Variants in PSTPIP1 observed in about 807,000 individuals in gnomAD.
PSTPIP1 encodes the protein proline-serine-threonine phosphatase-interacting protein 1.
Under a neutral mutation model 69.6 loss-of-function variants are expected in PSTPIP1, and 66 were observed. The ratio of observed to expected loss-of-function variants is 0.95; its 90% CI spans 0.78 to 1.16. PSTPIP1 has a LOEUF of 1.16. Ranked by LOEUF, PSTPIP1 falls within the 50% of genes most tolerant of loss-of-function variation. The pLI is 0.00. For missense variants in PSTPIP1, 603 were observed against 557.4 expected, an observed-to-expected ratio of 1.08 and a Z score of -0.82; for synonymous variants, 266 against 222.7, an observed-to-expected ratio of 1.19 and a Z score of -1.73.
In PSTPIP1 at chr15:77,037,122, GGA is replaced by G; in HGVS notation, c.1201_1202del (p.Arg401GlufsTer62). 1.2e-6 allele frequency: 2 copies of G among 1,612,344 alleles called. No individual in the cohort carries two copies. Among genetic ancestry groups the G allele is most frequent in the Non-Finnish European group, 1.7e-6 (2 of 1,179,700 alleles). On this transcript the variant is annotated frameshift_variant, in exon 15 of 15. Coordinates refer to ENST00000558012, the MANE Select transcript of PSTPIP1 (RefSeq NM_003978.5). LOFTEE classifies it high-confidence loss of function. ...LEGEDGWWTV[E>X]RNGQRGFVPG... ...AAGGGGAGGATGGCTGGTGGACTGT[GGA>G]GAGGAACGGGCAGCGTGGCTTCGTC...
rs144204462 is a variant in PSTPIP1 at position 76,997,712 on chromosome 15, G to A, written c.36+2103G>A. ...TTTTGGCTTCGGGGTAAGATAAGAG[G>A]TAACCCCTCTTATCTCCCAGAGGGG... On this transcript the variant is annotated intron_variant, in intron 1 of 14. Transcript: ENST00000558012. Among the ~76,000 whole-genome samples the A allele has an allele frequency of 2.8e-4, 43 of 152,272 alleles. No homozygotes were observed. In the East Asian group the frequency reaches 7.9e-3, roughly 28 times the overall value.
At chr15:77,033,034 T>G (rs2152689744) in intron 12 of PSTPIP1, 82 bp downstream of exon 12, 1 of 1,341,576 alleles carries the variant, frequency 7.5e-7, no homozygotes, top group African/African-American at 1.5e-5. Context: ...TGGCCCTTCC[T>G]CGTTCACTGA....
At position 77,028,628 on chromosome 15, in the gene PSTPIP1, C is replaced by T. The variant is rs1366145117; in HGVS notation, c.492C>T (p.Asn164=). Residue 164 remains asparagine, a synonymous_variant, in exon 7 of 15, where the codon AAC becomes AAT. Transcript: ENST00000558012. ...AGGCCTTCGAGCGCATTAGCGCCAA[C>T]GGCCACCAGAAGCAGGTGGAGAAGG... The part of the protein sequence containing the change: ...AEQAFERISA[N]GHQKQVEKSQ... The T allele has an allele frequency of 5.1e-6, 8 of 1,583,456 alleles. No homozygotes were observed. The highest frequency in any genetic ancestry group is 2.3e-5 in the South Asian group (2 of 86,816).
In PSTPIP1 at chr15:77,037,131, C is replaced by T. The variant is rs146035424; in HGVS notation, c.1206C>T (p.Asn402=). 7.7e-4 allele frequency: 1,243 copies of T among 1,612,130 alleles called. 3 individuals are homozygous for T. The African/African-American group carries it at 0.011, about 15-fold the overall frequency. The change falls in exon 15 of 15, where the codon AAC becomes AAT. Residue 402 remains asparagine, a synonymous_variant. Coordinates refer to ENST00000558012, the MANE Select transcript of PSTPIP1 (RefSeq NM_003978.5). ...ATGGCTGGTGGACTGTGGAGAGGAACGGGCAGCGTGGCTTCGTCCCTGGTT... is the reference window on the plus strand; with the variant it reads ...ATGGCTGGTGGACTGTGGAGAGGAATGGGCAGCGTGGCTTCGTCCCTGGTT... ...GEDGWWTVER[N]GQRGFVPGSY...
At chr15:77,003,511 C>T (rs1163843262) in intron 1 of PSTPIP1, among the ~76,000 whole-genome samples, 5 of 152,222 alleles carry the variant, frequency 3.3e-5, no homozygotes, top group East Asian at 1.9e-4. Context: ...AAAAAATTAG[C>T]GGGGCATGGT....
Position 77,035,509 on chromosome 15 carries a change from TTC to T in PSTPIP1, c.935_936del (p.Ser312TrpfsTer30). On this transcript the variant is annotated frameshift_variant and splice_region_variant, in exon 13 of 15. Coordinates refer to ENST00000558012, the MANE Select transcript of PSTPIP1 (RefSeq NM_003978.5). LOFTEE classifies it high-confidence loss of function. ...IQPSCGMIKR[F>X]SGLLHGSPKT... ...ACCCTCTTTCCTCCCTGTTCCCAGG[TTC>T]TCTGGACTGCTGCACGGAAGTCCCA... is the stretch of plus-strand genomic sequence containing the variant. 6.3e-7 allele frequency: 1 copy of T among 1,590,150 alleles called. No individual in the cohort carries two copies. The highest frequency in any genetic ancestry group is 8.6e-7 in the Non-Finnish European group (1 of 1,168,754).
intron 1 of PSTPIP1, among the ~76,000 whole-genome samples, chr15:77,005,028 C>T (rs1568485875): frequency 1.3e-5 from 2 of 152,134 alleles, no homozygotes; most frequent in Admixed American, 1.3e-4. Flanking sequence ...TTCAAAGTTC[C>T]CCAGTGCCTC....
At chr15:77,029,990 G>T (rs1484382177) in intron 8 of PSTPIP1, among the ~76,000 whole-genome samples, 1 of 152,042 alleles carries the variant, frequency 6.6e-6, no homozygotes, top group African/African-American at 2.4e-5. Flanking sequence ...TCTTGTCCCT[G>T]CTGGTGCCCC....
Position 77,037,182 on chromosome 15 carries a change from G to A in PSTPIP1, c.*6G>A. The A allele has an allele frequency of 1.3e-6, 2 of 1,597,494 alleles. No homozygotes were observed. Among genetic ancestry groups the A allele is most frequent in the East Asian group, 2.3e-5 (1 of 44,114 alleles). ...CCTACCTGGAGAAGCTTTGAGGAAG[G>A]GCCAGGAGCCCCTTCGGACCTGCCC... is the stretch of plus-strand genomic sequence containing the variant. On this transcript the variant is annotated 3_prime_UTR_variant, in exon 15 of 15. Coordinates refer to ENST00000558012, the MANE Select transcript of PSTPIP1 (RefSeq NM_003978.5).
At chr15:77,032,426 T>G in intron 11 of PSTPIP1, 32 bp downstream of exon 11, 1 of 1,604,802 alleles carries the variant, frequency 6.2e-7, no homozygotes, top group Non-Finnish European at 8.5e-7. Context: ...GCGCAGCCTC[T>G]AGGTGCATTG....
chr15:77,036,932 C>G, intron 14 of PSTPIP1, 113 bp from the exon 15 acceptor site: 1 of 1,438,988 alleles, frequency 6.9e-7, no homozygotes. Context: ...TGCCCCTGCC[C>G]ACCCTGGGAG....
chr15:76,995,586 C>A lies in PSTPIP1; in HGVS notation c.13C>A (p.Leu5Met). MMPQ[L>M]QFKDAFWCRD... ...CAGACGCCTGAGGATGATGCCCCAG[C>A]TGCAGTTCAAAGATGCCTTTTGGGT... is the stretch of plus-strand genomic sequence containing the variant. The change falls in exon 1 of 15, where the codon CTG becomes ATG. Residue 5 changes from leucine (L) to methionine (M), a missense_variant. Physicochemically the swap from Leu to Met is conservative, Grantham distance 15. Coordinates refer to ENST00000558012, the MANE Select transcript of PSTPIP1 (RefSeq NM_003978.5). 6.2e-7 allele frequency: 1 copy of A among 1,613,830 alleles called. No individual in the cohort carries two copies. Among genetic ancestry groups the A allele is most frequent in the Non-Finnish European group, 8.5e-7 (1 of 1,179,894 alleles).
At chr15:77,023,101 C>A (rs1374873749) in intron 3 of PSTPIP1, among the ~76,000 whole-genome samples, 1 of 152,260 alleles carries the variant, frequency 6.6e-6, no homozygotes, top group Non-Finnish European at 1.5e-5. Flanking sequence ...ACCTGCGATT[C>A]CTTACAGCAC....
At chr15:77,009,709 C>A (rs2075894148) in intron 1 of PSTPIP1, among the ~76,000 whole-genome samples, 1 of 152,178 alleles carries the variant, frequency 6.6e-6, no homozygotes, top group Non-Finnish European at 1.5e-5. Context: ...GTGGGTGATG[C>A]TCTCATCCCG....
At chr15:77,013,553 C>A (rs563383866) in intron 1 of PSTPIP1, among the ~76,000 whole-genome samples, 1 of 152,132 alleles carries the variant, frequency 6.6e-6, no homozygotes, top group East Asian at 1.9e-4. Flanking sequence ...ACCCTGCCCC[C>A]CTGGAGTCCC....
At chr15:76,996,157 C>T (rs2075575072) in intron 1 of PSTPIP1, among the ~76,000 whole-genome samples, 1 of 152,240 alleles carries the variant, frequency 6.6e-6, no homozygotes. Context: ...TCCCCTCACC[C>T]AGCCCCTTGT....
chr15:77,036,856 T>C (rs1466189338), intron 14 of PSTPIP1, among the ~76,000 whole-genome samples, 189 bp from the exon 15 acceptor site: 2 of 152,004 alleles, frequency 1.3e-5, no homozygotes, highest in Admixed American at 6.6e-5. Flanking sequence ...AGAACTATGA[T>C]GACAAACTGA....
chr15:77,003,925 C>T (rs1224306866), intron 1 of PSTPIP1, among the ~76,000 whole-genome samples: 1 of 152,214 alleles, frequency 6.6e-6, no homozygotes, highest in Non-Finnish European at 1.5e-5. Context: ...ATTGGATATG[C>T]ACCCATAGGG....
At chr15:77,025,766 G>T (rs1024087793) in intron 5 of PSTPIP1, among the ~76,000 whole-genome samples, 162 bp downstream of exon 5, 1 of 152,186 alleles carries the variant, frequency 6.6e-6, no homozygotes, top group Non-Finnish European at 1.5e-5. Flanking sequence ...ATCTGAAGTG[G>T]GTAGGGAGGG....
Sources: allele counts gnomAD v4.1 joint callset (sites outside exome capture counted in the v4.1 genomes callset), GRCh38; gene constraint gnomAD v4.1.1; transcripts MANE v1.5; gene names NCBI Gene and HGNC (gene_info 2026-07-23, HGNC 2026-07-21).